Variants in RAD51B observed in about 807,000 individuals in gnomAD.
The protein encoded by RAD51B is RAD51 paralog B.
A neutral mutation model predicts 42.2 loss-of-function variants in RAD51B; 38 were observed. That is an observed-to-expected ratio of 0.90 (90% CI 0.70 to 1.18). RAD51B has a LOEUF of 1.18. Among genes scored for constraint, RAD51B ranks in the 50% most tolerant of loss-of-function variants. RAD51B has a pLI of 0.00. For missense variants in RAD51B, 373 were observed against 400.7 expected (o/e 0.93, Z 0.59); for synonymous variants, 154 against 145.2 (o/e 1.06, Z -0.43).
intron 7 of RAD51B, among the ~76,000 whole-genome samples, chr14:67,956,018 A>G (rs889430419): frequency 6.6e-6 from 1 of 152,086 alleles, no homozygotes; most frequent in African/African-American, 2.4e-5. Context: ...GCTTTTTGAC[A>G]CTGTGGTGGA....
chr14:68,608,925 G>C (rs933036559), intron 10 of RAD51B, among the ~76,000 whole-genome samples: 1 of 151,998 alleles, frequency 6.6e-6, no homozygotes, highest in African/African-American at 2.4e-5. Context: ...CCCCTCCTCC[G>C]GGGCCCCCAC....
At chr14:68,219,533 C>T (rs988421223) in intron 7 of RAD51B, among the ~76,000 whole-genome samples, 20 of 152,132 alleles carry the variant, frequency 1.3e-4, no homozygotes, top group Non-Finnish European at 2.6e-4. Context: ...TGCAGACACT[C>T]GCCAGTACCA....
rs1882805877 is a variant in RAD51B, at chr14:68,477,691, G to A, written c.*27G>A. ...GATACTGTGACCTTTGTCTAGAGTTGATGGGGGTGTGATTTGTGAAATAAA... is the reference window on the plus strand; with the variant it reads ...GATACTGTGACCTTTGTCTAGAGTTAATGGGGGTGTGATTTGTGAAATAAA... On this transcript the variant is annotated 3_prime_UTR_variant, in exon 11 of 11. Transcript: ENST00000471583. The A allele has an allele frequency of 6.2e-7, 1 of 1,608,858 alleles. No individual in the cohort carries two copies. Among genetic ancestry groups the A allele is most frequent in the Admixed American group, 1.7e-5 (1 of 59,330 alleles).
intron 7 of RAD51B, among the ~76,000 whole-genome samples, chr14:68,276,156 A>G (rs1303588400): frequency 1.3e-5 from 2 of 152,200 alleles, no homozygotes; most frequent in Non-Finnish European, 2.9e-5. Flanking sequence ...GACTTCCAGT[A>G]TTCCAGAGTT....
At chr14:68,648,834 C>T (rs1892640303) in intron 10 of RAD51B, among the ~76,000 whole-genome samples, 1 of 152,078 alleles carries the variant, frequency 6.6e-6, no homozygotes, top group Non-Finnish European at 1.5e-5. Context: ...AAGCCTCTTC[C>T]TGCACTGACA....
At position 68,552,809 on chromosome 14, in the gene RAD51B, A is replaced by T. The variant is rs975023865; in HGVS notation, c.1037-41676A>T. 2.0e-5 allele frequency among the ~76,000 whole-genome samples: 3 copies of T among 152,304 alleles called. No individual in the cohort carries two copies. The South Asian group carries it at 6.2e-4, about 32-fold the overall frequency. On this transcript the variant is annotated intron_variant, in intron 10 of 10. Transcript: ENST00000487270. ...GGTTTTCTTTGCTTCTAGTCCTTAC[A>T]TGTGCAGCTGTCAACCAGGCACCAC...
intron 10 of RAD51B, among the ~76,000 whole-genome samples, chr14:68,499,861 G>A (rs1884796528): frequency 6.6e-6 from 1 of 152,196 alleles, no homozygotes; most frequent in South Asian, 2.1e-4. Flanking sequence ...TGGGGCTTCT[G>A]GCTGCCAGGA....
At chr14:68,566,663 C>T (rs367667013) in intron 10 of RAD51B, among the ~76,000 whole-genome samples, 8 of 152,252 alleles carry the variant, frequency 5.3e-5, no homozygotes, top group Middle Eastern at 3.4e-3. Flanking sequence ...GAAACCCCCC[C>T]GGTGCCTCAG....
chr14:68,371,050 A>AAAAG (rs2083248500), intron 8 of RAD51B, among the ~76,000 whole-genome samples: 1 of 114,152 alleles, frequency 8.8e-6, no homozygotes, highest in Non-Finnish European at 1.9e-5. Context: ...AAAAAAAAAA[A>AAAAG]AAAAAGAAAA....
chr14:67,845,205 A>G (rs2041570286), intron 4 of RAD51B, among the ~76,000 whole-genome samples: 1 of 152,208 alleles, frequency 6.6e-6, no homozygotes, highest in African/African-American at 2.4e-5. Context: ...GCAATGGTCT[A>G]TGTACTTAAG....
At chr14:67,923,084 T>C (rs2044381166) in intron 7 of RAD51B, among the ~76,000 whole-genome samples, 1 of 152,124 alleles carries the variant, frequency 6.6e-6, no homozygotes, top group Non-Finnish European at 1.5e-5. Context: ...TGAGTCCTCA[T>C]AGCTTAGCTC....
chr14:68,255,630 C>G (rs1408942480), intron 7 of RAD51B, among the ~76,000 whole-genome samples: 1 of 152,172 alleles, frequency 6.6e-6, no homozygotes, highest in Non-Finnish European at 1.5e-5. Context: ...ACATAATTTT[C>G]TCACCTAAAG....
chr14:68,097,116 T>A (rs985247338), intron 7 of RAD51B, among the ~76,000 whole-genome samples: 3 of 152,190 alleles, frequency 2.0e-5, no homozygotes, highest in African/African-American at 7.2e-5. Flanking sequence ...ATTTCTCTCT[T>A]GATGAATGCA....
chr14:68,288,868 A>T (rs893172797), intron 7 of RAD51B, among the ~76,000 whole-genome samples: 1 of 152,228 alleles, frequency 6.6e-6, no homozygotes, highest in African/African-American at 2.4e-5. Context: ...GAGCTGACAC[A>T]TTTAGATCTC....
chr14:67,916,268 AT>A (rs1231221813), intron 7 of RAD51B, among the ~76,000 whole-genome samples: 2 of 151,678 alleles, frequency 1.3e-5, no homozygotes, highest in African/African-American at 2.4e-5. Flanking sequence ...TACTTAAAGT[AT>A]TTTTTGTTTT....
intron 10 of RAD51B, among the ~76,000 whole-genome samples, chr14:68,472,354 C>T (rs530492009): frequency 2.0e-5 from 3 of 152,274 alleles, no homozygotes; most frequent in South Asian, 2.1e-4. Context: ...GTGTTGCTGG[C>T]GCTGCAGGAG....
intron 4 of RAD51B, among the ~76,000 whole-genome samples, chr14:67,837,210 C>T (rs912974060): frequency 7.9e-5 from 12 of 152,086 alleles, no homozygotes; most frequent in African/African-American, 2.2e-4. Context: ...AATATACTGC[C>T]ACCAGGTGGT....
At chr14:68,390,960 G>A (rs1199442636) in intron 8 of RAD51B, among the ~76,000 whole-genome samples, 1 of 152,206 alleles carries the variant, frequency 6.6e-6, no homozygotes, top group Non-Finnish European at 1.5e-5. Flanking sequence ...TGAGAGTATT[G>A]ATTCATTCTT....
chr14:68,324,328 C>T (rs1228884593), intron 8 of RAD51B, among the ~76,000 whole-genome samples: 1 of 152,210 alleles, frequency 6.6e-6, no homozygotes, highest in Non-Finnish European at 1.5e-5. Flanking sequence ...GGCCTCATCT[C>T]ATAGACTCTA....
Sources: allele counts gnomAD v4.1 joint callset (sites outside exome capture counted in the v4.1 genomes callset), GRCh38; gene constraint gnomAD v4.1.1; transcripts MANE v1.5; gene names NCBI Gene and HGNC (gene_info 2026-07-23, HGNC 2026-07-21).